The following LRRC28 variants were observed in gnomAD, a reference collection of about 807,000 sequenced individuals.
LRRC28 encodes leucine-rich repeat-containing protein 28.
Under a neutral mutation model 45.7 loss-of-function variants are expected in LRRC28, and 39 were observed. The ratio of observed to expected loss-of-function variants is 0.85; its 90% confidence interval spans 0.66 to 1.12. LRRC28 has a LOEUF of 1.12. LRRC28 is among the 50% of genes most tolerant of loss of function. LRRC28 has a pLI of 0.00. For synonymous variants in LRRC28, 206 were observed against 178.8 expected, an observed-to-expected ratio of 1.15 and a Z score of -1.22; for missense variants, 435 against 438.5, an observed-to-expected ratio of 0.99 and a Z score of 0.07.
chr15:99,270,399 A>G (rs1473963585), intron 2 of LRRC28, among the ~76,000 whole-genome samples: 1 of 151,914 alleles, frequency 6.6e-6, no homozygotes, highest in Non-Finnish European at 1.5e-5. Flanking sequence ...AAAACCCCTC[A>G]CCCATTAAGC....
At chr15:99,340,711 G>A (rs8040850) in intron 6 of LRRC28, among the ~76,000 whole-genome samples, 59,620 of 152,066 alleles carry the variant, frequency 0.39, 12,292 homozygotes, top group African/African-American at 0.53. Flanking sequence ...CGAGAAGTTG[G>A]AGTGAGTTCT....
At chr15:99,326,767 A>G (rs1955992625) in intron 5 of LRRC28, among the ~76,000 whole-genome samples, 3 of 152,128 alleles carry the variant, frequency 2.0e-5, no homozygotes, top group African/African-American at 7.2e-5. Flanking sequence ...ATAAATAATC[A>G]TTTTAAGTGT....
intron 1 of LRRC28, among the ~76,000 whole-genome samples, chr15:99,255,017 G>A (rs555917466): frequency 1.1e-4 from 17 of 152,148 alleles, no homozygotes; most frequent in Non-Finnish European, 2.2e-4. Flanking sequence ...ATGAGACTGT[G>A]TGGCCCTGGA....
At chr15:99,321,065 A>T (rs567293029) in intron 5 of LRRC28, among the ~76,000 whole-genome samples, 2 of 152,326 alleles carry the variant, frequency 1.3e-5, no homozygotes, top group Admixed American at 6.5e-5. Context: ...GTTTTCCTTT[A>T]GACTTGCCTT....
At chr15:99,342,256 C>T (rs1037095501) in intron 6 of LRRC28, among the ~76,000 whole-genome samples, 15 of 152,204 alleles carry the variant, frequency 9.9e-5, no homozygotes, top group African/African-American at 3.6e-4. Flanking sequence ...GGGCAAGAAC[C>T]AGCTCTCTCA....
At chr15:99,259,555 G>T in intron 2 of LRRC28, 1 of 1,348,638 alleles carries the variant, frequency 7.4e-7, no homozygotes, top group Non-Finnish European at 1.1e-6. Context: ...TGTGTGCTTT[G>T]GTGGCCAGCC....
At chr15:99,323,316 C>A (rs1470845918) in intron 5 of LRRC28, among the ~76,000 whole-genome samples, 1 of 152,138 alleles carries the variant, frequency 6.6e-6, no homozygotes, top group Non-Finnish European at 1.5e-5. Flanking sequence ...GGATTTTAAT[C>A]CTCATATCAG....
At chr15:99,330,397 G>A (rs796803360) in intron 5 of LRRC28, among the ~76,000 whole-genome samples, 9 of 151,850 alleles carry the variant, frequency 5.9e-5, no homozygotes, top group African/African-American at 2.2e-4. Flanking sequence ...TCAGTTTTTT[G>A]CTTTATATAA....
intron 5 of LRRC28, among the ~76,000 whole-genome samples, chr15:99,327,208 G>A (rs1364608327): frequency 6.6e-6 from 1 of 152,042 alleles, no homozygotes; most frequent in Non-Finnish European, 1.5e-5. Context: ...CTGAGTAGCT[G>A]GGATTACAGG....
chr15:99,289,870 T>C (rs2082065623), intron 5 of LRRC28, among the ~76,000 whole-genome samples: 1 of 143,848 alleles, frequency 7.0e-6, no homozygotes, highest in African/African-American at 2.6e-5. Context: ...GAAGCGGAGC[T>C]TGCAGTGAGC....
At chr15:99,294,500 G>T (rs1372712250) in intron 5 of LRRC28, among the ~76,000 whole-genome samples, 1 of 152,144 alleles carries the variant, frequency 6.6e-6, no homozygotes, top group African/African-American at 2.4e-5. Flanking sequence ...TACCATAAAT[G>T]GGGTAGCTTA....
chr15:99,330,029 TTA>T (rs1956110515), intron 5 of LRRC28, among the ~76,000 whole-genome samples: 1 of 152,218 alleles, frequency 6.6e-6, no homozygotes, highest in Admixed American at 6.5e-5. Context: ...TGTTAGGTTT[TTA>T]TGTTTCTAAA....
intron 5 of LRRC28, among the ~76,000 whole-genome samples, chr15:99,288,905 C>G (rs1300619667): frequency 6.6e-6 from 1 of 152,110 alleles, no homozygotes; most frequent in African/African-American, 2.4e-5. Context: ...GTCTCAAACT[C>G]CTGACGTCAA....
rs938405761 is a variant in LRRC28, at chr15:99,251,551, G to A, written c.-61+10G>A. 6.6e-5 allele frequency: 10 copies of A among 152,392 alleles called. No individual in the cohort carries two copies. The highest frequency in any genetic ancestry group is 2.4e-4 in the African/African-American group (10 of 41,570). 9.4% of individuals were successfully genotyped at this position (152,392 alleles called of 1,614,324 possible). ...CTCTGCTGGCGCTGAGGTGAGTAGA[G>A]CTGTCCGCCTCGTCGGGTGATTCAA... is the stretch of plus-strand genomic sequence containing the variant. On this transcript the variant is annotated intron_variant, in intron 1 of 9. Coordinates refer to ENST00000301981, the MANE Select transcript of LRRC28 (RefSeq NM_144598.5).
chr15:99,324,208 A>T (rs1035118842), intron 5 of LRRC28, among the ~76,000 whole-genome samples: 3 of 152,176 alleles, frequency 2.0e-5, no homozygotes, highest in Non-Finnish European at 4.4e-5. Flanking sequence ...GGGCGGGTAC[A>T]CTGGACTAAG....
chr15:99,265,607 G>A (rs1215487822), intron 2 of LRRC28, among the ~76,000 whole-genome samples: 1 of 152,074 alleles, frequency 6.6e-6, no homozygotes, highest in Non-Finnish European at 1.5e-5. Flanking sequence ...AATATAGCGT[G>A]GAAGCAACAA....
rs141093385 is a variant in LRRC28 at position 99,369,159 on chromosome 15, A to G, written c.1031+5894A>G. On this transcript the variant is annotated intron_variant, in intron 9 of 9. Transcript: ENST00000301981. ...TTTCTAGCAACATTCTGTTCCTGAC[A>G]ATGTATTTTCTAAGACATTAGAAAC... Among the ~76,000 whole-genome samples the G allele has an allele frequency of 1.1e-4, 17 of 152,254 alleles. No homozygotes were observed. In the East Asian group the frequency reaches 2.9e-3, roughly 26 times the overall value.
chr15:99,364,686 T>A (rs1273487775), intron 9 of LRRC28, among the ~76,000 whole-genome samples: 1 of 152,188 alleles, frequency 6.6e-6, no homozygotes, highest in East Asian at 1.9e-4. Context: ...TTACTGACCA[T>A]CCCTGAGCTT....
At chr15:99,287,199 G>T in intron 3 of LRRC28, 58 bp from the exon 4 acceptor site, 1 of 1,425,798 alleles carries the variant, frequency 7.0e-7, no homozygotes, top group African/African-American at 1.5e-5. Context: ...TTTATAAACT[G>T]ATTATCTGGC....
Sources: gnomAD v4.1 joint callset for allele counts (sites outside exome capture counted in the v4.1 genomes callset) on GRCh38, gnomAD v4.1.1 for gene constraint, MANE v1.5 for transcripts, NCBI Gene and HGNC (gene_info 2026-07-23, HGNC 2026-07-21) for gene names.